Variants in THSD7A observed in about 807,000 individuals in gnomAD.
THSD7A encodes thrombospondin type-1 domain-containing protein 7A.
Under a neutral mutation model 231.3 loss-of-function variants are expected in THSD7A, and 96 were observed. The ratio of observed to expected loss-of-function variants is 0.41; its 90% confidence interval spans 0.35 to 0.49. The LOEUF is 0.49. THSD7A is among the 20% of genes least tolerant of loss of function. The pLI is 0.05. For missense variants in THSD7A, 2,290 were observed against 2,070.2 expected, an observed-to-expected ratio of 1.11 and a Z score of -2.06; for synonymous variants, 940 against 743.3, an observed-to-expected ratio of 1.26 and a Z score of -4.30.
intron 2 of THSD7A, among the ~76,000 whole-genome samples, chr7:11,606,575 A>G (rs1215717423): frequency 1.3e-5 from 2 of 152,202 alleles, no homozygotes; most frequent in Non-Finnish European, 2.9e-5. Context: ...TAGCCTCTGT[A>G]GAATGTCTCT....
intron 6 of THSD7A, among the ~76,000 whole-genome samples, chr7:11,498,260 G>A (rs1414510600): frequency 1.3e-5 from 2 of 152,172 alleles, no homozygotes; most frequent in Non-Finnish European, 2.9e-5. Context: ...GAGAGGGGCG[G>A]GCTGCCATCT....
At chr7:11,686,152 A>G (rs779287784) in intron 1 of THSD7A, among the ~76,000 whole-genome samples, 2 of 151,902 alleles carry the variant, frequency 1.3e-5, no homozygotes, top group Non-Finnish European at 2.9e-5. Flanking sequence ...TTTAGACATA[A>G]AGATGGGAAC....
chr7:11,591,844 C>T lies in THSD7A; in HGVS notation c.1272-1203G>A, dbSNP rs139294152. Among the ~76,000 whole-genome samples, 695 of 152,188 alleles carry T rather than the reference C, an allele frequency of 4.6e-3. 2 individuals carry two copies. The highest frequency in any genetic ancestry group is 6.8e-3 in the Middle Eastern group (2 of 294). On this transcript the variant is annotated intron_variant, in intron 3 of 27. Transcript: ENST00000423059. ...TGTTAAGGGAGCTGCAATAATTGTT[C>T]TAAATAAATTGAAGTTCTGATTTAG...
chr7:11,715,196 A>C (rs1485563450), intron 1 of THSD7A, among the ~76,000 whole-genome samples: 1 of 151,446 alleles, frequency 6.6e-6, no homozygotes, highest in African/African-American at 2.4e-5. Context: ...GAAAAATCAT[A>C]TTGTTTTCCT....
At chr7:11,511,972 G>C (rs183613187) in intron 6 of THSD7A, among the ~76,000 whole-genome samples, 1 of 152,238 alleles carries the variant, frequency 6.6e-6, no homozygotes, top group African/African-American at 2.4e-5. Context: ...CACAGCAAAA[G>C]CAATTATTAT....
intron 17 of THSD7A, among the ~76,000 whole-genome samples, chr7:11,413,463 C>A (rs1403658872): frequency 6.6e-6 from 1 of 152,012 alleles, no homozygotes; most frequent in Non-Finnish European, 1.5e-5. Context: ...CCTGATCAAC[C>A]AATTGTCTTG....
intron 13 of THSD7A, among the ~76,000 whole-genome samples, chr7:11,431,513 A>G (rs754461530): frequency 1.1e-4 from 17 of 152,122 alleles, no homozygotes; most frequent in Non-Finnish European, 2.4e-4. Flanking sequence ...CAGTGTAACG[A>G]TTTATTTTTG....
chr7:11,620,123 C>A (rs772521020), intron 2 of THSD7A, among the ~76,000 whole-genome samples: 10 of 152,176 alleles, frequency 6.6e-5, no homozygotes, highest in Non-Finnish European at 1.2e-4. Context: ...TTTATTCTTA[C>A]TTCACATCTT....
intron 11 of THSD7A, among the ~76,000 whole-genome samples, chr7:11,454,880 A>C (rs144613006): frequency 6.5e-4 from 99 of 152,146 alleles, no homozygotes; most frequent in African/African-American, 2.2e-3. Flanking sequence ...GCATAATATT[A>C]ACAAACATAT....
chr7:11,763,043 C>T (rs945434376), intron 1 of THSD7A, among the ~76,000 whole-genome samples: 1 of 152,156 alleles, frequency 6.6e-6, no homozygotes, highest in African/African-American at 2.4e-5. Context: ...ACTAAAAAGT[C>T]ATTTCATTGC....
chr7:11,544,914 G>A (rs1216828621), intron 4 of THSD7A, among the ~76,000 whole-genome samples: 1 of 148,992 alleles, frequency 6.7e-6, no homozygotes, highest in Non-Finnish European at 1.5e-5. Context: ...GAGTTCAACA[G>A]GATTGCTGTT....
At chr7:11,751,652 G>A (rs780580071) in intron 1 of THSD7A, among the ~76,000 whole-genome samples, 1 of 151,894 alleles carries the variant, frequency 6.6e-6, no homozygotes, top group South Asian at 2.1e-4. Flanking sequence ...GTCTAATCTT[G>A]ATCAGAGAAA....
intron 2 of THSD7A, among the ~76,000 whole-genome samples, chr7:11,611,374 T>A (rs1780915348): frequency 6.6e-6 from 1 of 152,016 alleles, no homozygotes; most frequent in Non-Finnish European, 1.5e-5. Context: ...AGCTACATAT[T>A]TTATGATAAC....
chr7:11,640,971 T>C (rs1467571413), intron 1 of THSD7A, among the ~76,000 whole-genome samples: 2 of 152,130 alleles, frequency 1.3e-5, no homozygotes. Flanking sequence ...ATCACCTAGT[T>C]CTTTATTGAT....
chr7:11,671,446 A>C (rs2049535), intron 1 of THSD7A, among the ~76,000 whole-genome samples: 83,118 of 152,038 alleles, frequency 0.55, 23,195 homozygotes, highest in South Asian at 0.69. Context: ...GTATTTTGAA[A>C]TATGTAAGAC....
rs1442258707 is a variant in THSD7A, at chr7:11,446,589, AT to A, written c.2801-266del. ...CTTTTTAATTATACTACAGATAAGTATATATTTATCTCTCACCTTCATAGGC... is the reference window on the plus strand; with the variant it reads ...CTTTTTAATTATACTACAGATAAGTAATATTTATCTCTCACCTTCATAGGC... On this transcript the variant is annotated intron_variant, in intron 12 of 27. Transcript: ENST00000423059. This position sits in a 1 kb window ranked among gnomAD's most constrained non-coding sequence, Gnocchi z 4.0. Among the ~76,000 whole-genome samples the A allele has an allele frequency of 2.0e-5, 3 of 152,116 alleles. No homozygotes were observed. The highest frequency in any genetic ancestry group is 7.2e-5 in the African/African-American group (3 of 41,442).
intron 1 of THSD7A, among the ~76,000 whole-genome samples, chr7:11,710,257 C>T (rs1353805354): frequency 7.6e-6 from 1 of 131,330 alleles, no homozygotes; most frequent in African/African-American, 3.2e-5. Flanking sequence ...ATAAATTAAA[C>T]ACACTTTACA....
intron 1 of THSD7A, among the ~76,000 whole-genome samples, chr7:11,693,452 T>C (rs1253516330): frequency 6.6e-6 from 1 of 151,560 alleles, no homozygotes; most frequent in African/African-American, 2.4e-5. Flanking sequence ...GCTCAGGAAG[T>C]TTAACTGACT....
intron 1 of THSD7A, among the ~76,000 whole-genome samples, chr7:11,817,685 C>T (rs1784747502): frequency 6.6e-6 from 1 of 152,132 alleles, no homozygotes. Context: ...TGCCAGGCAC[C>T]ATCTAAGTAC....
Sources: allele counts gnomAD v4.1 joint callset (sites outside exome capture counted in the v4.1 genomes callset), GRCh38; gene constraint gnomAD v4.1.1; non-coding constraint Gnocchi (gnomAD v3.1); transcripts MANE v1.5; gene names NCBI Gene and HGNC (gene_info 2026-07-23, HGNC 2026-07-21).